MYT1L: variants seen among roughly 807,000 people sequenced by gnomAD.
MYT1L encodes the protein myelin transcription factor 1-like protein.
Under a neutral mutation model 126.7 loss-of-function variants are expected in MYT1L, and 12 were observed. The observed-to-expected ratio is 0.09, with a 90% CI of 0.06 to 0.15. The LOEUF is 0.15. MYT1L is among the 10% of genes least tolerant of loss of function. The probability of loss-of-function intolerance (pLI) is 1.00; values close to 1 mark genes in which losing one functional copy is unlikely to be tolerated. For synonymous variants in MYT1L, 541 were observed against 604.2 expected, an observed-to-expected ratio of 0.90 and a Z score of 1.53; for missense variants, 979 against 1,585.2, an observed-to-expected ratio of 0.62 and a Z score of 6.49.
chr2:2,136,890 A>T (rs927565777), intron 3 of MYT1L, among the ~76,000 whole-genome samples: 4 of 152,232 alleles, frequency 2.6e-5, no homozygotes, highest in Admixed American at 2.6e-4. Flanking sequence ...GAAAAGAGGA[A>T]GTCAAATTGT....
intron 3 of MYT1L, among the ~76,000 whole-genome samples, chr2:2,093,404 C>G (rs76531380): frequency 1.7e-5 from 2 of 116,782 alleles, no homozygotes; most frequent in Non-Finnish European, 3.8e-5. Context: ...AAACAATGTA[C>G]AAAAAAAAAA....
At chr2:2,243,005 C>T (rs564899041) in intron 2 of MYT1L, among the ~76,000 whole-genome samples, 2 of 152,106 alleles carry the variant, frequency 1.3e-5, no homozygotes, top group South Asian at 2.1e-4. Flanking sequence ...GTGCAGGGTT[C>T]AGGAAGGTGC....
chr2:1,794,709 G>A (rs2147817042), intron 23 of MYT1L, among the ~76,000 whole-genome samples: 1 of 152,354 alleles, frequency 6.6e-6, no homozygotes, highest in African/African-American at 2.4e-5. Flanking sequence ...ATCTCTGTGA[G>A]ACTCAGGAGT....
chr2:1,878,646 A>G (rs2047206430), intron 18 of MYT1L, among the ~76,000 whole-genome samples: 1 of 152,204 alleles, frequency 6.6e-6, no homozygotes, highest in South Asian at 2.1e-4. Context: ...GCCTCATTCA[A>G]GCAGCTTGTG....
At chr2:2,283,567 T>C (rs1003036527) in intron 2 of MYT1L, among the ~76,000 whole-genome samples, 18 of 152,192 alleles carry the variant, frequency 1.2e-4, no homozygotes, top group African/African-American at 4.3e-4. Context: ...GGAAATTAAA[T>C]TTGTAGCACT....
At chr2:2,180,738 C>T (rs1004046685) in intron 2 of MYT1L, among the ~76,000 whole-genome samples, 1 of 142,600 alleles carries the variant, frequency 7.0e-6, no homozygotes, top group Non-Finnish European at 1.5e-5. Context: ...GCATGTGTGC[C>T]TGTGTGTGTG....
intron 18 of MYT1L, among the ~76,000 whole-genome samples, chr2:1,876,538 C>A (rs139623910): frequency 1.2e-4 from 19 of 152,236 alleles, no homozygotes; most frequent in African/African-American, 4.6e-4. Context: ...ACCCCGGCAA[C>A]CTTTCCCCAT....
At chr2:1,857,404 A>C (rs1351917922) in intron 18 of MYT1L, among the ~76,000 whole-genome samples, 1 of 152,208 alleles carries the variant, frequency 6.6e-6, no homozygotes, top group African/African-American at 2.4e-5. Context: ...GTCATTCCTC[A>C]AAGGCTCCCC....
At chr2:2,245,585 T>G (rs2094519324) in intron 2 of MYT1L, among the ~76,000 whole-genome samples, 1 of 151,540 alleles carries the variant, frequency 6.6e-6, no homozygotes, top group African/African-American at 2.4e-5. Flanking sequence ...CTTAGCAGTT[T>G]CCGTGAAATA....
intron 4 of MYT1L, among the ~76,000 whole-genome samples, chr2:2,032,283 C>A (rs2932942): frequency 8.5e-6 from 1 of 118,068 alleles, no homozygotes; most frequent in African/African-American, 3.8e-5. Context: ...GAGGGCCTTA[C>A]ACACATCCCT....
chr2:1,975,329 C>T lies in MYT1L; in HGVS notation c.152+3836G>A, dbSNP rs115666445. 3.0e-3 allele frequency among the ~76,000 whole-genome samples: 456 copies of T among 151,106 alleles called. 2 individuals are homozygous for T. The highest frequency in any genetic ancestry group is 0.011 in the African/African-American group (441 of 40,860). The stretch of plus-strand genomic sequence containing the variant: ...CTGTGGCAGAGAGGGTGACGTATGG[C>T]CCCCAGAAACTACCATAGCGTCTGT... On this transcript the variant is annotated intron_variant, in intron 8 of 24. Coordinates refer to ENST00000647738, the MANE Select transcript of MYT1L (RefSeq NM_001303052.2).
intron 1 of MYT1L, among the ~76,000 whole-genome samples, chr2:2,297,088 C>A (rs547971604): frequency 6.6e-6 from 1 of 152,330 alleles, no homozygotes; most frequent in South Asian, 2.1e-4. Context: ...ACTGGAACCA[C>A]CTGCAATGTC....
At chr2:2,213,328 T>A (rs1572515311) in intron 2 of MYT1L, among the ~76,000 whole-genome samples, 1 of 152,196 alleles carries the variant, frequency 6.6e-6, no homozygotes, top group South Asian at 2.1e-4. Context: ...GAGACAGAGC[T>A]TAGTGTCCAG....
At chr2:2,003,742 G>T (rs1001827617) in intron 4 of MYT1L, among the ~76,000 whole-genome samples, 2 of 152,148 alleles carry the variant, frequency 1.3e-5, no homozygotes, top group African/African-American at 4.8e-5. Context: ...CTCCATGTCT[G>T]CACGCCTTCC....
intron 3 of MYT1L, among the ~76,000 whole-genome samples, chr2:2,102,530 T>C (rs2078221343): frequency 6.6e-6 from 1 of 152,132 alleles, no homozygotes; most frequent in South Asian, 2.1e-4. Flanking sequence ...ATTCTACCTT[T>C]CTTATTACAG....
At chr2:1,813,253 T>C (rs1339502401) in intron 21 of MYT1L, among the ~76,000 whole-genome samples, 2 of 152,104 alleles carry the variant, frequency 1.3e-5, no homozygotes, top group African/African-American at 2.4e-5. Context: ...GCCTCTGCTG[T>C]TTGCGCCTGA....
Position 1,943,107 on chromosome 2 carries a change from CCCTCCTCGT to C in MYT1L, c.371_379del (p.Asp124_Glu126del), listed in dbSNP as rs748670487. ...GATCTCCTCCTCCTCCTCCCGGTCC[CCCTCCTCGT>C]CCTCCTCGTCCTCATCCCCTGGCTC... On this transcript the variant is annotated inframe_deletion, in exon 9 of 25. Coordinates refer to ENST00000647738, the MANE Select transcript of MYT1L (RefSeq NM_001303052.2). The surrounding 1 kb of genome is among the most constrained non-coding windows in gnomAD (Gnocchi z 4.4). 9.4e-6 allele frequency: 14 copies of C among 1,481,928 alleles called. No individual in the cohort carries two copies. In the South Asian group the frequency reaches 1.5e-4, roughly 15 times the overall value. The allele number at this position is 1,481,928 out of a possible 1,614,324, so 91.8% of individuals were successfully genotyped here.
At chr2:2,261,619 A>G (rs578130617) in intron 2 of MYT1L, among the ~76,000 whole-genome samples, 30 of 152,352 alleles carry the variant, frequency 2.0e-4, no homozygotes, top group African/African-American at 7.0e-4. Context: ...CAAAAAATGC[A>G]TTTATGTTAG....
chr2:1,966,676 T>C (rs2059385689), intron 8 of MYT1L, among the ~76,000 whole-genome samples: 1 of 151,500 alleles, frequency 6.6e-6, no homozygotes, highest in South Asian at 2.1e-4. Context: ...AAGAATTGCA[T>C]AAATAACATT....
Sources: gnomAD v4.1 joint callset for allele counts (sites outside exome capture counted in the v4.1 genomes callset) on GRCh38, gnomAD v4.1.1 for gene constraint, Gnocchi (gnomAD v3.1) non-coding constraint, MANE v1.5 for transcripts, NCBI Gene and HGNC (gene_info 2026-07-23, HGNC 2026-07-21) for gene names.